The following NEBL variants were observed in gnomAD, a reference collection of about 807,000 sequenced individuals.
NEBL encodes LIM and SH3 protein 2.
A neutral mutation model predicts 140.2 loss-of-function variants in NEBL; 122 were observed. The observed-to-expected ratio is 0.87, with a 90% confidence interval of 0.75 to 1.01. The LOEUF is 1.01. Ranked by LOEUF, NEBL falls within the 50% of genes least tolerant of loss-of-function variation. NEBL has a pLI of 0.00. For missense variants in NEBL, 1,365 were observed against 1,231.3 expected (o/e 1.11, Z -1.62); for synonymous variants, 436 against 398.9 (o/e 1.09, Z -1.11).
intron 3 of NEBL, among the ~76,000 whole-genome samples, chr10:21,019,491 C>A (rs991116764): frequency 1.1e-4 from 16 of 152,246 alleles, no homozygotes; most frequent in African/African-American, 3.9e-4. Flanking sequence ...TGAAAGAGAG[C>A]ACCCCATATT....
At chr10:20,889,605 GA>G (rs1846841048) in intron 3 of NEBL, among the ~76,000 whole-genome samples, 1 of 152,158 alleles carries the variant, frequency 6.6e-6, no homozygotes, top group African/African-American at 2.4e-5. Flanking sequence ...ATATAAATAA[GA>G]AAGATTTAGA....
intron 2 of NEBL, among the ~76,000 whole-genome samples, chr10:21,093,168 A>ATT (rs1445040916): frequency 5.0e-5 from 2 of 39,816 alleles, no homozygotes; most frequent in Admixed American, 2.4e-4. Context: ...TTTTTTTTCC[A>ATT]TTTTAGCAGA....
chr10:20,823,308 AT>A lies in NEBL; in HGVS notation c.1870-9del. 6.3e-7 allele frequency: 1 copy of A among 1,577,316 alleles called. No individual in the cohort carries two copies. The highest frequency in any genetic ancestry group is 8.7e-7 in the Non-Finnish European group (1 of 1,151,338). ...CTCTTCTTTGTATTTCACCTGCATA[AT>A]TTATAAGAATATAACGTTAACTTTA... On this transcript the variant is annotated splice_polypyrimidine_tract_variant and intron_variant, in intron 18 of 27. Coordinates refer to ENST00000377122, the MANE Select transcript of NEBL (RefSeq NM_006393.3).
chr10:20,800,679 C>T (rs1035668533), intron 26 of NEBL, among the ~76,000 whole-genome samples: 9 of 151,636 alleles, frequency 5.9e-5, no homozygotes, highest in Non-Finnish European at 1.0e-4. Flanking sequence ...TCTGCATAAA[C>T]GACAAATGCT....
chr10:21,156,528 A>C (rs956355448), intron 2 of NEBL, among the ~76,000 whole-genome samples: 1 of 152,166 alleles, frequency 6.6e-6, no homozygotes, highest in African/African-American at 2.4e-5. Context: ...CTAACCAGGG[A>C]GCATGTCTAC....
At chr10:21,105,820 C>A (rs766701214) in intron 2 of NEBL, among the ~76,000 whole-genome samples, 1 of 152,184 alleles carries the variant, frequency 6.6e-6, no homozygotes, top group East Asian at 1.9e-4. Flanking sequence ...AAAAGCGTTC[C>A]TATTTCTCTA....
intron 19 of NEBL, among the ~76,000 whole-genome samples, chr10:20,820,195 G>GCCGTTCTA (rs1839162136): frequency 6.6e-6 from 1 of 152,134 alleles, no homozygotes; most frequent in Admixed American, 6.5e-5. Context: ...TCTTCTCTAT[G>GCCGTTCTA]CCGTTCTAAC....
In NEBL at chr10:20,823,137, C is replaced by G. The variant is rs1839512396; in HGVS notation, c.1962+71G>C. The G allele has an allele frequency of 1.8e-5, 21 of 1,152,862 alleles. No homozygotes were observed. In the South Asian group the frequency reaches 2.6e-4, roughly 14 times the overall value. 71.4% of individuals were successfully genotyped at this position (1,152,862 alleles called of 1,614,324 possible). A position where few individuals can be genotyped will look rare whatever the true frequency, so the allele number is the denominator to read the frequency against. On this transcript the variant is annotated intron_variant, in intron 19 of 27. Coordinates refer to ENST00000377122, the MANE Select transcript of NEBL (RefSeq NM_006393.3). ...TCATTGTGATGGCATTTGACCTGTA[C>G]AGGTTTTATGCTGTCATTACGTGTT...
chr10:20,994,776 C>A (rs1333958301), intron 3 of NEBL, among the ~76,000 whole-genome samples: 1 of 152,090 alleles, frequency 6.6e-6, no homozygotes, highest in Non-Finnish European at 1.5e-5. Context: ...TTAAGGAAAT[C>A]ATAAGGAAGA....
At chr10:20,827,328 T>G in intron 17 of NEBL, among the ~76,000 whole-genome samples, 1 of 152,200 alleles carries the variant, frequency 6.6e-6, no homozygotes, top group East Asian at 1.9e-4. Flanking sequence ...CAGCCTCTTT[T>G]CCTCATCCTT....
At chr10:21,182,253 A>G (rs949241265) in intron 3 of NEBL, among the ~76,000 whole-genome samples, 2 of 152,016 alleles carry the variant, frequency 1.3e-5, no homozygotes, top group Admixed American at 6.6e-5. Context: ...CAGAGGATCA[A>G]AGAAGGCCAG....
intron 3 of NEBL, among the ~76,000 whole-genome samples, chr10:20,990,070 G>A (rs973198342): frequency 1.3e-5 from 2 of 151,940 alleles, no homozygotes; most frequent in East Asian, 3.9e-4. Flanking sequence ...ATGTTATTTG[G>A]CATCTTAATA....
intron 26 of NEBL, among the ~76,000 whole-genome samples, chr10:20,807,940 A>C (rs1837756029): frequency 6.6e-6 from 1 of 152,086 alleles, no homozygotes; most frequent in Non-Finnish European, 1.5e-5. Context: ...GGGTATATAA[A>C]ATAGTGACAA....
At chr10:21,079,560 T>C (rs1836273429) in intron 2 of NEBL, among the ~76,000 whole-genome samples, 1 of 152,148 alleles carries the variant, frequency 6.6e-6, no homozygotes, top group South Asian at 2.1e-4. Context: ...GAGGGCTTTA[T>C]AAAAATAGGG....
At chr10:20,980,104 A>T (rs2131661338) in intron 3 of NEBL, among the ~76,000 whole-genome samples, 1 of 152,042 alleles carries the variant, frequency 6.6e-6, no homozygotes, top group African/African-American at 2.4e-5. Flanking sequence ...TTCTGTAGAA[A>T]TTCCATAGGG....
rs187555321 is a variant in NEBL at position 21,058,488 on chromosome 10, C to T, written c.165-38287G>A. On this transcript the variant is annotated intron_variant, in intron 2 of 6. Transcript: ENST00000417816. ...GGAGAAAAAAAGGAAAGAAAAAGAA[C>T]AAGTTGAAAACCTATAAGCCAAAAC... Among the ~76,000 whole-genome samples, 656 of 151,942 alleles carry T rather than the reference C, an allele frequency of 4.3e-3. 1 individual carries two copies. The highest frequency in any genetic ancestry group is 7.1e-3 in the Non-Finnish European group (485 of 67,924).
intron 3 of NEBL, among the ~76,000 whole-genome samples, chr10:21,180,456 C>G (rs1292236928): frequency 1.3e-5 from 2 of 152,204 alleles, no homozygotes; most frequent in African/African-American, 4.8e-5. Flanking sequence ...TTCTCTTTCT[C>G]CGCCCCATCG....
At position 20,858,169 on chromosome 10, in the gene NEBL, T is replaced by C. The variant is rs373462989; in HGVS notation, c.903+71A>G. ...CCTTCTAAGGAAGCAGGTGAGCACA[T>C]GAACGCTGCAGACATATTGGCTTCT... On this transcript the variant is annotated intron_variant, in intron 9 of 27. Coordinates refer to ENST00000377122, the MANE Select transcript of NEBL (RefSeq NM_006393.3). The C allele has an allele frequency of 8.2e-4, 994 of 1,206,856 alleles. 10 individuals carry two copies. In the African/African-American group the frequency reaches 0.014, roughly 17 times the overall value. The allele number at this position is 1,206,856 out of a possible 1,614,324, so 74.8% of individuals were successfully genotyped here.
At chr10:20,938,153 C>T (rs1255111640) in intron 4 of NEBL, among the ~76,000 whole-genome samples, 3 of 152,204 alleles carry the variant, frequency 2.0e-5, no homozygotes, top group Non-Finnish European at 2.9e-5. Context: ...AAAGTGGGTC[C>T]CTGACCCCCG....
Sources: gnomAD v4.1 joint callset for allele counts (sites outside exome capture counted in the v4.1 genomes callset) on GRCh38, gnomAD v4.1.1 for gene constraint, MANE v1.5 for transcripts, NCBI Gene and HGNC (gene_info 2026-07-23, HGNC 2026-07-21) for gene names.